CTCFL: variants seen among roughly 807,000 people sequenced by gnomAD.
The protein encoded by CTCFL is transcriptional repressor CTCFL.
A neutral mutation model predicts 67.4 loss-of-function variants in CTCFL; 36 were observed. The observed-to-expected ratio is 0.53, with a 90% confidence interval of 0.41 to 0.71. The LOEUF (loss-of-function observed/expected upper bound fraction) is 0.71, where lower values mean the gene tolerates loss of function less well. Ranked by LOEUF, CTCFL falls within the 30% of genes least tolerant of loss-of-function variation. The pLI, the probability that CTCFL is intolerant of heterozygous loss-of-function variation, is 0.00. For synonymous variants in CTCFL, 324 were observed against 302.3 expected (o/e 1.07, Z -0.75); for missense variants, 786 against 835.2 (o/e 0.94, Z 0.73).
intron 5 of CTCFL, 151 bp downstream of exon 5, chr20:57,518,607 A>G: frequency 6.6e-7 from 1 of 1,523,230 alleles, no homozygotes; most frequent in Non-Finnish European, 8.9e-7. Context: ...TAACTTCATA[A>G]AAGAGAATGC....
At chr20:57,519,752 C>G (rs1418800807) in intron 3 of CTCFL, among the ~76,000 whole-genome samples, 4 of 152,090 alleles carry the variant, frequency 2.6e-5, no homozygotes, top group African/African-American at 9.7e-5. Context: ...AGAAATGTGG[C>G]CCTGCATTCT....
intron 5 of CTCFL, 75 bp from the exon 6 acceptor site, chr20:57,515,909 A>G (rs901989925): frequency 1.4e-6 from 2 of 1,466,246 alleles, no homozygotes; most frequent in Non-Finnish European, 1.9e-6. Context: ...TCAGCATTGT[A>G]AAAGAGATTT....
At chr20:57,505,248 T>C (rs1460531497) in intron 9 of CTCFL, among the ~76,000 whole-genome samples, 4 of 151,278 alleles carry the variant, frequency 2.6e-5, no homozygotes, top group Admixed American at 1.3e-4. Context: ...GAAGACAAAA[T>C]TTATTTATTT....
intron 7 of CTCFL, chr20:57,513,514 G>C: frequency 9.6e-7 from 1 of 1,042,842 alleles, no homozygotes; most frequent in Non-Finnish European, 1.2e-6. Flanking sequence ...ATAGGGCTAT[G>C]TGGAGTGTAT....
chr20:57,501,193 C>T (rs923642092), intron 10 of CTCFL, among the ~76,000 whole-genome samples: 2 of 152,224 alleles, frequency 1.3e-5, no homozygotes, highest in African/African-American at 2.4e-5. Flanking sequence ...GGGCCAGGCC[C>T]GCCTTGGAGG....
intron 3 of CTCFL, among the ~76,000 whole-genome samples, chr20:57,520,982 A>G (rs1458211419): frequency 6.6e-6 from 1 of 152,276 alleles, no homozygotes; most frequent in Non-Finnish European, 1.5e-5. Flanking sequence ...CCATGTGATA[A>G]CAGAGGCAGA....
intron 9 of CTCFL, chr20:57,507,739 C>T: frequency 1.4e-6 from 1 of 702,982 alleles, no homozygotes; most frequent in Non-Finnish European, 2.6e-6. Context: ...TCAGGAGTGG[C>T]CCTGAGCCAG....
intron 10 of CTCFL, among the ~76,000 whole-genome samples, chr20:57,501,306 G>C (rs555793652): frequency 2.4e-4 from 36 of 151,510 alleles, no homozygotes; most frequent in African/African-American, 8.5e-4. Context: ...GTGGTCGCGC[G>C]AAGTGCTTTT....
chr20:57,507,976 T>G, intron 9 of CTCFL: 1 of 642,690 alleles, frequency 1.6e-6, no homozygotes, highest in Non-Finnish European at 2.8e-6. Context: ...AGGGTCTCAC[T>G]CTGTCTTTGA....
At chr20:57,503,395 A>G in intron 10 of CTCFL, 41 bp downstream of exon 10, 1 of 1,611,386 alleles carries the variant, frequency 6.2e-7, no homozygotes, top group South Asian at 1.1e-5. Context: ...CAACCAGAAA[A>G]TCACTGAGGC....
intron 7 of CTCFL, chr20:57,513,648 T>A (rs1367174692): frequency 8.5e-7 from 1 of 1,182,374 alleles, no homozygotes; most frequent in South Asian, 1.6e-5. Context: ...TGTGCTGGTA[T>A]CTACGGCAAC....
At position 57,514,577 on chromosome 20, in the gene CTCFL, C is replaced by A; in HGVS notation, c.1330+15G>T. The stretch of plus-strand genomic sequence containing the variant: ...GCAAATGCTGTAGTAAAAGAAAGAT[C>A]GCTAAACCACTCACGTAGGTCGCTT... On this transcript the variant is annotated intron_variant, in intron 7 of 10. Transcript: ENST00000243914. 2 of 1,613,424 alleles carry A rather than the reference C, an allele frequency of 1.2e-6. No homozygotes were observed. Among genetic ancestry groups the A allele is most frequent in the Admixed American group, 3.3e-5 (2 of 60,002 alleles).
intron 3 of CTCFL, 43 bp from the exon 4 acceptor site, chr20:57,519,420 T>G: frequency 6.4e-7 from 1 of 1,557,104 alleles, no homozygotes; most frequent in Non-Finnish European, 8.8e-7. Context: ...GAGGTTCAAA[T>G]TCCATTTAAA....
chr20:57,524,365 G>A lies in CTCFL; in HGVS notation c.-11-149C>T, dbSNP rs1271516145. ...TTGGACTTAGTAGGGTCAGAACAATGCTGATCTGGCTTGGGTCTAGGAGGG... is the reference window on the plus strand; with the variant it reads ...TTGGACTTAGTAGGGTCAGAACAATACTGATCTGGCTTGGGTCTAGGAGGG... On this transcript the variant is annotated intron_variant, in intron 1 of 10. Transcript: ENST00000243914. The A allele has an allele frequency of 4.2e-5, 62 of 1,459,530 alleles. No homozygotes were observed. In the East Asian group the frequency reaches 1.5e-3, roughly 35 times the overall value. The allele number at this position is 1,459,530 out of a possible 1,614,324, so 90.4% of individuals were successfully genotyped here.
At chr20:57,507,379 G>T in intron 9 of CTCFL, 1 of 564,522 alleles carries the variant, frequency 1.8e-6, no homozygotes, top group Non-Finnish European at 3.2e-6. Context: ...TTTTTTTAAA[G>T]TAGAGACAGG....
chr20:57,503,177 A>G (rs1468140709), intron 10 of CTCFL, among the ~76,000 whole-genome samples: 1 of 152,248 alleles, frequency 6.6e-6, no homozygotes, highest in African/African-American at 2.4e-5. Flanking sequence ...CTGTAGCTGC[A>G]GGCGACAGTC....
intron 9 of CTCFL, among the ~76,000 whole-genome samples, chr20:57,504,715 A>T (rs574711358): frequency 6.6e-6 from 1 of 151,968 alleles, no homozygotes; most frequent in African/African-American, 2.4e-5. Context: ...AATTTGTTCT[A>T]ATTTTGTTCT....
rs1034691735 is a variant in CTCFL, at chr20:57,497,795, T to C, written c.*755A>G. The C allele has an allele frequency of 3.0e-6, 3 of 985,100 alleles. No individual in the cohort carries two copies. In the African/African-American group the frequency reaches 5.2e-5, roughly 17 times the overall value. 61.0% of individuals were successfully genotyped at this position (985,100 alleles called of 1,614,324 possible). ...GGAGTGAAATACTAATAAGCAATAA[T>C]GGAATGTAACCAGGGCAATTTCATA... is the stretch of plus-strand genomic sequence containing the variant. On this transcript the variant is annotated 3_prime_UTR_variant, in exon 11 of 11. Coordinates refer to ENST00000243914, the MANE Select transcript of CTCFL (RefSeq NM_001386993.1).
intron 10 of CTCFL, chr20:57,499,858 G>T: frequency 3.5e-6 from 2 of 568,418 alleles, no homozygotes; most frequent in Non-Finnish European, 4.4e-6. Flanking sequence ...CGCCCGATGG[G>T]GAGCGGCTGT....
Sources: allele counts gnomAD v4.1 joint callset (sites outside exome capture counted in the v4.1 genomes callset), GRCh38; gene constraint gnomAD v4.1.1; transcripts MANE v1.5; gene names NCBI Gene and HGNC (gene_info 2026-07-23, HGNC 2026-07-21).